The following FBXL13 variants were observed in gnomAD, a reference collection of about 807,000 sequenced individuals.
FBXL13 encodes F-box and leucine-rich repeat protein 13.
A neutral mutation model predicts 83.6 loss-of-function variants in FBXL13; 67 were observed. The observed-to-expected ratio is 0.80, with a 90% CI of 0.66 to 0.98. The LOEUF is 0.98. FBXL13 is among the 50% of genes least tolerant of loss of function. The pLI, the probability that FBXL13 is intolerant of heterozygous loss-of-function variation, is 0.00. For synonymous variants in FBXL13, 272 were observed against 299.5 expected (o/e 0.91, Z 0.95); for missense variants, 822 against 866.5 (o/e 0.95, Z 0.64).
At chr7:102,941,109 G>T (rs1034822146) in intron 8 of FBXL13, among the ~76,000 whole-genome samples, 6 of 152,152 alleles carry the variant, frequency 3.9e-5, no homozygotes, top group African/African-American at 1.4e-4. Flanking sequence ...TTTCCCAAGG[G>T]ACAGCAGTAT....
At chr7:102,851,755 T>C (rs1364304963) in intron 17 of FBXL13, among the ~76,000 whole-genome samples, 1 of 152,104 alleles carries the variant, frequency 6.6e-6, no homozygotes, top group Non-Finnish European at 1.5e-5. Flanking sequence ...TTGGGGTTTT[T>C]TCTAACAGCA....
At chr7:103,026,342 A>G (rs1793914297) in intron 5 of FBXL13, among the ~76,000 whole-genome samples, 2 of 151,898 alleles carry the variant, frequency 1.3e-5, no homozygotes, top group South Asian at 4.2e-4. Flanking sequence ...AAGGGGGTGT[A>G]TAAGGGGGGA....
At chr7:103,067,246 C>T (rs1302425710) in intron 1 of FBXL13, among the ~76,000 whole-genome samples, 2 of 152,202 alleles carry the variant, frequency 1.3e-5, no homozygotes, top group South Asian at 2.1e-4. Context: ...GCACGGACTG[C>T]TGGATATTTG....
At chr7:102,994,680 C>T (rs1829914035) in intron 6 of FBXL13, among the ~76,000 whole-genome samples, 1 of 152,220 alleles carries the variant, frequency 6.6e-6, no homozygotes, top group Non-Finnish European at 1.5e-5. Context: ...CAGCTTTCCA[C>T]TCAGGTCCTC....
intron 6 of FBXL13, among the ~76,000 whole-genome samples, chr7:102,990,480 C>G (rs914596347): frequency 6.6e-6 from 1 of 152,180 alleles, no homozygotes; most frequent in African/African-American, 2.4e-5. Context: ...TTCATTCGAT[C>G]ATTCAACCAA....
At chr7:102,942,305 A>G in intron 8 of FBXL13, 1 of 1,599,452 alleles carries the variant, frequency 6.3e-7, no homozygotes, top group Non-Finnish European at 8.5e-7. Flanking sequence ...TTGAGATGAA[A>G]CCCTGCAAGT....
At chr7:103,063,122 A>C (rs2129500471) in intron 1 of FBXL13, among the ~76,000 whole-genome samples, 1 of 152,370 alleles carries the variant, frequency 6.6e-6, no homozygotes, top group East Asian at 1.9e-4. Context: ...TTGAAGGATT[A>C]CATGGGCAAG....
At chr7:102,963,495 A>C (rs1431821141) in intron 8 of FBXL13, 38 bp downstream of exon 9, 1 of 1,598,992 alleles carries the variant, frequency 6.3e-7, no homozygotes. Context: ...ATTGTAATAC[A>C]GGAAAGCAAG....
rs538625482 is a variant in FBXL13 at position 103,063,709 on chromosome 7, A to G, written c.-104-7962T>C. Among the ~76,000 whole-genome samples the G allele has an allele frequency of 5.5e-5, 7 of 127,098 alleles. No homozygotes were observed. The South Asian group carries it at 1.8e-3, about 33-fold the overall frequency. The allele number at this position is 127,098 out of a possible 152,430, so 83.4% of individuals were successfully genotyped here. The stretch of plus-strand genomic sequence containing the variant: ...ATTGGTGAAGCCTAGAATCAAACTT[A>G]GGCTTTTTTTTTTTTTTTTTTTTTC... On this transcript the variant is annotated intron_variant, in intron 1 of 19. Transcript: ENST00000313221.
chr7:103,016,322 G>C (rs981845374), intron 6 of FBXL13, among the ~76,000 whole-genome samples: 1 of 150,036 alleles, frequency 6.7e-6, no homozygotes, highest in African/African-American at 2.4e-5. Context: ...AAATGTGGGG[G>C]GGGTGGGGGG....
intron 7 of FBXL13, among the ~76,000 whole-genome samples, chr7:102,966,297 G>T (rs1333534922): frequency 2.0e-5 from 3 of 152,180 alleles, no homozygotes; most frequent in Admixed American, 6.5e-5. Context: ...TTCTGACTCA[G>T]TAGGTCTGGG....
chr7:103,032,019 G>A (rs929193993), intron 2 of FBXL13, among the ~76,000 whole-genome samples: 10 of 152,254 alleles, frequency 6.6e-5, no homozygotes, highest in Admixed American at 2.0e-4. Flanking sequence ...AGAATGTTAA[G>A]TCCCAAATTT....
In FBXL13 at chr7:102,854,766, AATG is replaced by A. The variant is rs771487624; in HGVS notation, c.1719+8_1719+10del. 1.2e-5 allele frequency: 18 copies of A among 1,500,748 alleles called. No individual in the cohort carries two copies. The highest frequency in any genetic ancestry group is 9.1e-6 in the Non-Finnish European group (10 of 1,102,936). The allele number at this position is 1,500,748 out of a possible 1,614,324, so 93.0% of individuals were successfully genotyped here. A position where few individuals can be genotyped will look rare whatever the true frequency, so the allele number is the denominator to read the frequency against. ...TCTTAATTCTTTAACAGATGATCTT[AATG>A]ATCTTACCTGAATTCCATCATCAGT... On this transcript the variant is annotated splice_region_variant and intron_variant, in intron 17 of 19. Transcript: ENST00000313221.
chr7:102,906,157 A>G (rs189300378), intron 11 of FBXL13, among the ~76,000 whole-genome samples: 122 of 152,264 alleles, frequency 8.0e-4, no homozygotes, highest in Admixed American at 2.1e-3. Context: ...CATGGGAAAG[A>G]CCTGCCCCCA....
chr7:103,003,284 T>TG (rs1790608272), intron 6 of FBXL13, among the ~76,000 whole-genome samples: 1 of 114,246 alleles, frequency 8.8e-6, no homozygotes, highest in Admixed American at 8.7e-5. Flanking sequence ...TGGGGTTTTT[T>TG]TTTTTTTTTT....
chr7:103,023,201 G>A (rs577932746), intron 6 of FBXL13, among the ~76,000 whole-genome samples: 2 of 152,112 alleles, frequency 1.3e-5, no homozygotes, highest in Non-Finnish European at 2.9e-5. Flanking sequence ...CCGTGAAACC[G>A]GGAGGTGGAG....
chr7:102,814,814 AT>A (rs1408563936), intron 19 of FBXL13, among the ~76,000 whole-genome samples: 1 of 152,168 alleles, frequency 6.6e-6, no homozygotes, highest in Non-Finnish European at 1.5e-5. Flanking sequence ...CATTCTGTTA[AT>A]TTTTTAAATC....
chr7:102,910,045 G>T (rs548278130), intron 11 of FBXL13, among the ~76,000 whole-genome samples: 31 of 152,268 alleles, frequency 2.0e-4, no homozygotes, highest in Admixed American at 1.8e-3. Flanking sequence ...CAGTGGTGAG[G>T]TTTGTAGAAC....
intron 1 of FBXL13, among the ~76,000 whole-genome samples, chr7:103,061,668 G>A (rs1043285868): frequency 2.2e-4 from 33 of 151,904 alleles, no homozygotes; most frequent in Non-Finnish European, 1.3e-4. Flanking sequence ...GGCCCAGCAC[G>A]GTGGCTCACG....
Sources: allele counts gnomAD v4.1 joint callset (sites outside exome capture counted in the v4.1 genomes callset), GRCh38; gene constraint gnomAD v4.1.1; transcripts MANE v1.5; gene names NCBI Gene and HGNC (gene_info 2026-07-23, HGNC 2026-07-21).